The following FCHO2 variants were observed in gnomAD, a reference collection of about 807,000 sequenced individuals.
FCHO2 encodes FCH and mu domain containing endocytic adaptor 2.
A neutral mutation model predicts 114.1 loss-of-function variants in FCHO2; 43 were observed. The observed-to-expected ratio is 0.38, with a 90% CI of 0.30 to 0.49. FCHO2 has a LOEUF of 0.49. FCHO2 is among the 20% of genes least tolerant of loss of function. The pLI is 0.97. For synonymous variants in FCHO2, 293 were observed against 315.2 expected (o/e 0.93, Z 0.75); for missense variants, 807 against 950.4 (o/e 0.85, Z 1.98).
intron 8 of FCHO2, among the ~76,000 whole-genome samples, chr5:73,032,532 G>A (rs1215620503): frequency 6.6e-6 from 1 of 152,084 alleles, no homozygotes; most frequent in Non-Finnish European, 1.5e-5. Flanking sequence ...GGAGTTAAGA[G>A]ATGTCTTTAC....
At chr5:72,957,451 T>C (rs1436000666) in intron 1 of FCHO2, among the ~76,000 whole-genome samples, 1 of 152,238 alleles carries the variant, frequency 6.6e-6, no homozygotes, top group Non-Finnish European at 1.5e-5. Flanking sequence ...AGTCTGGACA[T>C]ATCCTATAAA....
intron 25 of FCHO2, 108 bp from the exon 26 acceptor site, chr5:73,087,960 T>C (rs1743367856): frequency 6.8e-7 from 1 of 1,477,232 alleles, no homozygotes. Flanking sequence ...TCTAATGTAC[T>C]GTAAATAGCA....
At position 73,017,287 on chromosome 5, in the gene FCHO2, G is replaced by C. The variant is rs1429283853; in HGVS notation, c.775G>C (p.Gly259Arg). 6.4e-7 allele frequency: 1 copy of C among 1,563,974 alleles called. No individual in the cohort carries two copies. Among genetic ancestry groups the C allele is most frequent in the Admixed American group, 1.9e-5 (1 of 53,104 alleles). ...GATACAAAAATTTGCTGAGTCAAAA[G>C]GCACTGGGAAGGAAAGACCTGGTAA... ...SLIQKFAESK[G>R]TGKERPGLIE... The change falls in exon 8 of 26, where the codon GGC (glycine) becomes CGC (arginine). Residue 259 changes from glycine (G) to arginine (R), a missense_variant. Physicochemically the swap from Gly to Arg is moderately radical, Grantham distance 125. Coordinates refer to ENST00000430046, the MANE Select transcript of FCHO2 (RefSeq NM_138782.3).
intron 8 of FCHO2, among the ~76,000 whole-genome samples, chr5:73,023,359 G>C (rs891382224): frequency 6.6e-6 from 1 of 152,106 alleles, no homozygotes; most frequent in African/African-American, 2.4e-5. Context: ...ACATAATTCG[G>C]TTTGTCTAAT....
intron 5 of FCHO2, among the ~76,000 whole-genome samples, chr5:73,003,433 C>T (rs1046930227): frequency 6.6e-6 from 1 of 152,086 alleles, no homozygotes; most frequent in African/African-American, 2.4e-5. Context: ...CTGCCTTGGC[C>T]TCCCAAAGTG....
intron 5 of FCHO2, among the ~76,000 whole-genome samples, chr5:72,991,798 A>G (rs531176126): frequency 6.6e-6 from 1 of 152,248 alleles, no homozygotes; most frequent in South Asian, 2.1e-4. Flanking sequence ...GATTATGACT[A>G]TAAAACAGCT....
chr5:72,977,375 A>G (rs1752948599), intron 2 of FCHO2, among the ~76,000 whole-genome samples: 1 of 152,236 alleles, frequency 6.6e-6, no homozygotes, highest in Non-Finnish European at 1.5e-5. Flanking sequence ...TCTAATGACC[A>G]GTGATGATGA....
At chr5:72,962,093 G>A (rs1239748181) in intron 1 of FCHO2, among the ~76,000 whole-genome samples, 5 of 152,294 alleles carry the variant, frequency 3.3e-5, no homozygotes, top group African/African-American at 1.2e-4. Context: ...TAAAATTATA[G>A]TGTTTTAGAT....
chr5:72,956,280 C>T (rs1751530748), intron 1 of FCHO2, among the ~76,000 whole-genome samples, 151 bp downstream of exon 1: 1 of 150,706 alleles, frequency 6.6e-6, no homozygotes, highest in South Asian at 2.2e-4. Context: ...GTCCGGCGGG[C>T]GACCGGTCGC....
chr5:72,979,451 G>A (rs1477008750), intron 2 of FCHO2, among the ~76,000 whole-genome samples: 2 of 132,596 alleles, frequency 1.5e-5, no homozygotes, highest in Non-Finnish European at 3.1e-5. Context: ...GAGTGCAGTG[G>A]CGCGATCTCG....
At chr5:73,077,959 C>T (rs1206063899) in intron 21 of FCHO2, among the ~76,000 whole-genome samples, 1 of 152,034 alleles carries the variant, frequency 6.6e-6, no homozygotes, top group Non-Finnish European at 1.5e-5. Context: ...ATTTTGTTTT[C>T]AGTGGTGCTA....
At chr5:73,032,193 C>T (rs1033763354) in intron 8 of FCHO2, among the ~76,000 whole-genome samples, 1 of 151,958 alleles carries the variant, frequency 6.6e-6, no homozygotes, top group Non-Finnish European at 1.5e-5. Context: ...GGAGCATATG[C>T]CATTTGTAAA....
chr5:72,956,561 C>T (rs1751555023), intron 1 of FCHO2, among the ~76,000 whole-genome samples: 1 of 152,066 alleles, frequency 6.6e-6, no homozygotes, highest in African/African-American at 2.4e-5. Context: ...TGCCTCCTGC[C>T]CTCACCGCGG....
At chr5:73,002,539 A>G (rs903744604) in intron 5 of FCHO2, among the ~76,000 whole-genome samples, 1 of 152,194 alleles carries the variant, frequency 6.6e-6, no homozygotes, top group African/African-American at 2.4e-5. Flanking sequence ...ATAGCAAAAT[A>G]TTATTTGAAT....
intron 1 of FCHO2, among the ~76,000 whole-genome samples, chr5:72,957,802 T>C (rs1561395393): frequency 6.6e-6 from 1 of 152,234 alleles, no homozygotes; most frequent in Non-Finnish European, 1.5e-5. Flanking sequence ...CCACCAGCAA[T>C]ATCTGAGGGT....
chr5:72,969,015 C>T (rs1260302736), intron 2 of FCHO2, among the ~76,000 whole-genome samples: 3 of 152,042 alleles, frequency 2.0e-5, no homozygotes, highest in Non-Finnish European at 2.9e-5. Flanking sequence ...ATTTTAAAAT[C>T]TTGCAAATTT....
At chr5:73,053,429 C>T (rs1757425446) in intron 13 of FCHO2, among the ~76,000 whole-genome samples, 1 of 152,170 alleles carries the variant, frequency 6.6e-6, no homozygotes, top group African/African-American at 2.4e-5. Flanking sequence ...GGCATGGTGG[C>T]TCACGCCTGT....
rs560675221 is a variant in FCHO2, at chr5:72,990,265, C to T, written c.201-213C>T. On this transcript the variant is annotated intron_variant, in intron 3 of 25. Coordinates refer to ENST00000430046, the MANE Select transcript of FCHO2 (RefSeq NM_138782.3). ...TTGTGATAATGTAATTAACCCATTT[C>T]TATATTCCTGAGGTCCAAAAATATT... 1.3e-3 allele frequency among the ~76,000 whole-genome samples: 198 copies of T among 152,070 alleles called. 1 individual carries two copies. The highest frequency in any genetic ancestry group is 4.5e-3 in the African/African-American group (188 of 41,528).
intron 17 of FCHO2, among the ~76,000 whole-genome samples, chr5:73,063,485 C>T (rs1757937522): frequency 6.6e-6 from 1 of 152,008 alleles, no homozygotes; most frequent in Admixed American, 6.6e-5. Flanking sequence ...GAATTACTAT[C>T]TGTAAAATAG....
Sources: gnomAD v4.1 joint callset for allele counts (sites outside exome capture counted in the v4.1 genomes callset) on GRCh38, gnomAD v4.1.1 for gene constraint, MANE v1.5 for transcripts, NCBI Gene and HGNC (gene_info 2026-07-23, HGNC 2026-07-21) for gene names.